Variants in IL1RAPL2 observed in about 807,000 individuals in gnomAD.
IL1RAPL2 encodes X-linked interleukin-1 receptor accessory protein-like 2.
In IL1RAPL2, 3 loss-of-function variants were observed where a neutral mutation model predicts 44.1. The observed-to-expected ratio is 0.07, with a 90% CI of 0.03 to 0.18. IL1RAPL2 has a LOEUF of 0.18. Among genes scored for constraint, IL1RAPL2 ranks in the 10% least tolerant of loss-of-function variants. The pLI is 1.00. For synonymous variants in IL1RAPL2, 181 were observed against 178.8 expected (o/e 1.01, Z -0.10); for missense variants, 391 against 496.4 (o/e 0.79, Z 2.02).
intron 5 of IL1RAPL2, among the ~76,000 whole-genome samples, chrX:105,371,452 G>T (rs1398513279): frequency 9.0e-6 from 1 of 111,007 alleles, no homozygotes; most frequent in East Asian, 2.8e-4. Context: ...ACTGCATAAG[G>T]CTAGCCAGTT....
chrX:104,810,425 G>A (rs749061571), intron 2 of IL1RAPL2, among the ~76,000 whole-genome samples: 2 of 110,119 alleles, frequency 1.8e-5, no homozygotes, highest in Non-Finnish European at 3.8e-5. Flanking sequence ...AATAATAAAA[G>A]AAAAGAAAAG....
At chrX:105,211,086 T>C (rs2033804563) in intron 3 of IL1RAPL2, among the ~76,000 whole-genome samples, 1 of 110,776 alleles carries the variant, frequency 9.0e-6, no homozygotes, top group Non-Finnish European at 1.9e-5. Flanking sequence ...CTGTTTCACA[T>C]TTCTAAATTC....
At chrX:104,829,680 A>G (rs1158591164) in intron 2 of IL1RAPL2, among the ~76,000 whole-genome samples, 1 of 112,590 alleles carries the variant, frequency 8.9e-6, no homozygotes, top group Non-Finnish European at 1.9e-5. Flanking sequence ...TAAGAACAGC[A>G]TCATAACACG....
intron 1 of IL1RAPL2, among the ~76,000 whole-genome samples, chrX:104,567,398 G>A (rs1279782912): frequency 3.6e-5 from 4 of 112,459 alleles, no homozygotes; most frequent in Non-Finnish European, 7.5e-5. Flanking sequence ...CCAACTGGGC[G>A]CTTCTGACTG....
In IL1RAPL2 at chrX:105,387,261, G is replaced by T. The variant is rs1211997647; in HGVS notation, c.698-97052G>T. ...TCTTTTTTTTTTTTTTTGAGACGGAGTCTTACTCTGTTGCCTAGGCTGGAG... is the reference window on the plus strand; with the variant it reads ...TCTTTTTTTTTTTTTTTGAGACGGATTCTTACTCTGTTGCCTAGGCTGGAG... On this transcript the variant is annotated intron_variant, in intron 5 of 10. Coordinates refer to ENST00000372582, the MANE Select transcript of IL1RAPL2 (RefSeq NM_017416.2). Among the ~76,000 whole-genome samples, 9 of 97,002 alleles carry T rather than the reference G, an allele frequency of 9.3e-5. No homozygotes were observed. In the Admixed American group the frequency reaches 9.3e-4, roughly 10 times the overall value. The allele number at this position is 97,002 out of a possible 115,157, so 84.2% of individuals were successfully genotyped here.
At chrX:104,632,864 C>T (rs1479308726) in intron 1 of IL1RAPL2, among the ~76,000 whole-genome samples, 4 of 110,629 alleles carry the variant, frequency 3.6e-5, no homozygotes, top group Non-Finnish European at 7.6e-5. Context: ...CTGGCCAGAA[C>T]TTCCAACACT....
chrX:104,656,425 G>A (rs755935109), intron 1 of IL1RAPL2, among the ~76,000 whole-genome samples: 6 of 111,596 alleles, frequency 5.4e-5, no homozygotes, highest in South Asian at 3.8e-4. Flanking sequence ...CCTTCATTTC[G>A]TTATTTACCC....
chrX:104,672,953 T>C (rs1170297244), intron 2 of IL1RAPL2, among the ~76,000 whole-genome samples: 2 of 111,932 alleles, frequency 1.8e-5, no homozygotes, highest in African/African-American at 6.5e-5. Flanking sequence ...TGTTTGTTTT[T>C]TTCTTGTAAA....
rs773186380 is a variant in IL1RAPL2 at position 104,844,720 on chromosome X, G to A, written c.82+185725G>A. On this transcript the variant is annotated intron_variant, in intron 2 of 10. Coordinates refer to ENST00000372582, the MANE Select transcript of IL1RAPL2 (RefSeq NM_017416.2). ...CCATCTTGGGCTGCATGTGGTCCAC[G>A]GGTCGCAAGTTGGACAACCTTGATT... Among the ~76,000 whole-genome samples, 171 of 109,454 alleles carry A rather than the reference G, an allele frequency of 1.6e-3. 1 individual carries two copies. The highest frequency in any genetic ancestry group is 5.4e-3 in the African/African-American group (153 of 28,443).
At chrX:105,031,365 A>T (rs1186157586) in intron 2 of IL1RAPL2, among the ~76,000 whole-genome samples, 4 of 110,017 alleles carry the variant, frequency 3.6e-5, no homozygotes, top group African/African-American at 1.3e-4. Context: ...ATTCAGTATG[A>T]TATTGGCTGT....
intron 1 of IL1RAPL2, among the ~76,000 whole-genome samples, chrX:104,643,741 A>G (rs1251318650): frequency 9.0e-6 from 1 of 111,261 alleles, no homozygotes; most frequent in Non-Finnish European, 1.9e-5. Context: ...GTAACTTCAG[A>G]GTATTATGGT....
At chrX:105,390,418 C>T (rs138692058) in intron 5 of IL1RAPL2, among the ~76,000 whole-genome samples, 6 of 111,484 alleles carry the variant, frequency 5.4e-5, no homozygotes, top group Non-Finnish European at 9.4e-5. Flanking sequence ...TCATCTAGCA[C>T]GGTGCCTGAC....
chrX:104,842,043 G>T (rs1224244381), intron 2 of IL1RAPL2, among the ~76,000 whole-genome samples: 3 of 109,647 alleles, frequency 2.7e-5, no homozygotes, highest in Non-Finnish European at 3.8e-5. Flanking sequence ...CGCAGGTTTG[G>T]TTTTTTCACA....
At chrX:105,529,617 A>G (rs761042295) in intron 6 of IL1RAPL2, among the ~76,000 whole-genome samples, 13 of 111,775 alleles carry the variant, frequency 1.2e-4, no homozygotes, top group Non-Finnish European at 2.5e-4. Context: ...CATTTTAAGT[A>G]TACAATTCAG....
At chrX:105,442,045 TTTTTA>T (rs201008294) in intron 5 of IL1RAPL2, among the ~76,000 whole-genome samples, 7 of 109,823 alleles carry the variant, frequency 6.4e-5, no homozygotes, top group African/African-American at 2.4e-4. Context: ...TCTTCTTTAT[TTTTTA>T]TTTTATTTTA....
intron 6 of IL1RAPL2, among the ~76,000 whole-genome samples, chrX:105,570,102 C>A (rs2037003875): frequency 9.0e-6 from 1 of 111,387 alleles, no homozygotes; most frequent in Non-Finnish European, 1.9e-5. Context: ...AACTTGTAGT[C>A]TTTTATCCCT....
At chrX:105,173,963 G>C (rs1032550006) in intron 2 of IL1RAPL2, among the ~76,000 whole-genome samples, 1 of 110,762 alleles carries the variant, frequency 9.0e-6, no homozygotes, top group African/African-American at 3.3e-5. Context: ...GAACTCCTGA[G>C]CTCAGGCAGT....
At chrX:104,850,700 C>T (rs1378081115) in intron 2 of IL1RAPL2, among the ~76,000 whole-genome samples, 1 of 111,512 alleles carries the variant, frequency 9.0e-6, no homozygotes, top group African/African-American at 3.3e-5. Flanking sequence ...TCCTTTGAGA[C>T]TCTTTTTAAA....
chrX:105,672,904 C>T (rs1024078780), intron 6 of IL1RAPL2, among the ~76,000 whole-genome samples: 6 of 111,111 alleles, frequency 5.4e-5, no homozygotes, highest in African/African-American at 1.3e-4. Context: ...TTTATGTCTG[C>T]GACTGTTGCC....
Sources: gnomAD v4.1 joint callset for allele counts (sites outside exome capture counted in the v4.1 genomes callset) on GRCh38, gnomAD v4.1.1 for gene constraint, MANE v1.5 for transcripts, NCBI Gene and HGNC (gene_info 2026-07-23, HGNC 2026-07-21) for gene names.